The following PREP variants were observed in gnomAD, a reference collection of about 807,000 sequenced individuals.
PREP encodes the protein prolyl endopeptidase, also known as dJ355L5.1 (prolyl endopeptidase).
A neutral mutation model predicts 87.6 loss-of-function variants in PREP; 29 were observed. The observed-to-expected ratio is 0.33, with a 90% CI of 0.25 to 0.45. PREP has a LOEUF of 0.45. PREP is among the 20% of genes least tolerant of loss of function. PREP has a pLI of 1.00. For synonymous variants in PREP, 337 were observed against 328.6 expected, an observed-to-expected ratio of 1.03 and a Z score of -0.28; for missense variants, 695 against 886.5, an observed-to-expected ratio of 0.78 and a Z score of 2.74.
chr6:105,302,839 C>A (rs1181209851), intron 10 of PREP: 1 of 361,022 alleles, frequency 2.8e-6, no homozygotes, highest in Admixed American at 3.7e-5. Flanking sequence ...CACAGGCCGC[C>A]CCCGCCGCCT....
intron 7 of PREP, among the ~76,000 whole-genome samples, chr6:105,334,054 C>CA (rs1771415607): frequency 2.0e-5 from 3 of 152,200 alleles, no homozygotes; most frequent in African/African-American, 7.2e-5. Flanking sequence ...AAAAGGTCTA[C>CA]AGTGCCAAGT....
At chr6:105,300,798 T>A (rs1330409211) in intron 10 of PREP, among the ~76,000 whole-genome samples, 1 of 151,898 alleles carries the variant, frequency 6.6e-6, no homozygotes, top group Non-Finnish European at 1.5e-5. Context: ...TAAACACACA[T>A]CTAGCTGCCT....
intron 10 of PREP, among the ~76,000 whole-genome samples, chr6:105,291,044 C>T (rs1013236812): frequency 1.3e-5 from 2 of 152,176 alleles, no homozygotes; most frequent in Middle Eastern, 3.2e-3. Context: ...GTTATGATTA[C>T]ACTAGACTGT....
chr6:105,333,060 A>C (rs1219357920), intron 8 of PREP, among the ~76,000 whole-genome samples: 2 of 152,252 alleles, frequency 1.3e-5, no homozygotes, highest in Non-Finnish European at 2.9e-5. Context: ...TTTAAAAAGC[A>C]GTACTTTGGA....
rs764533268 is a variant in PREP, at chr6:105,373,542, T to C, written c.422A>G (p.Tyr141Cys). Residue 141 changes from tyrosine (Y) to cysteine (C), a missense_variant, in exon 5 of 15, where the codon TAT (tyrosine) becomes TGT (cysteine). Transcript: ENST00000652536. ...GTCTGAGCCACTGGCACTCAGACCA[T>C]AGGCAAAATATTCACCATCTTCGCT... is the stretch of plus-strand genomic sequence containing the variant. ...AFSEDGEYFA[Y>C]GLSASGSDWV... is the part of the protein sequence containing the mutation. 12 of 1,614,078 alleles carry C rather than the reference T, an allele frequency of 7.4e-6. No individual in the cohort carries two copies. Among genetic ancestry groups the C allele is most frequent in the Middle Eastern group, 1.6e-4 (1 of 6,084 alleles).
At chr6:105,362,116 AC>A (rs1415066760) in intron 6 of PREP, among the ~76,000 whole-genome samples, 1 of 152,238 alleles carries the variant, frequency 6.6e-6, no homozygotes, top group Non-Finnish European at 1.5e-5. Flanking sequence ...TATAGGCACT[AC>A]TGTTTCTAAG....
At position 105,373,439 on chromosome 6, in the gene PREP, A is replaced by G; in HGVS notation, c.525T>C (p.Cys175=). 1 of 1,614,228 alleles carries G rather than the reference A, an allele frequency of 6.2e-7. No homozygotes were observed. ...PDVLERVKFS[C]MAWTHDGKGM... ...CCTTCCCATCATGGGTCCAGGCCAT[A>G]CAGCTGAACTTGACTCTTTCAAGCA... The change falls in exon 5 of 15, where the codon TGT becomes TGC. Residue 175 remains cysteine (C), a synonymous_variant. Transcript: ENST00000652536.
chr6:105,317,249 T>C (rs1235317353), intron 10 of PREP, among the ~76,000 whole-genome samples: 1 of 152,128 alleles, frequency 6.6e-6, no homozygotes, highest in Non-Finnish European at 1.5e-5. Flanking sequence ...TAAGGCACTG[T>C]GCCTGGCTAA....
At chr6:105,308,762 T>C (rs60847040) in intron 10 of PREP, among the ~76,000 whole-genome samples, 21,267 of 152,116 alleles carry the variant, frequency 0.14, 2,638 homozygotes, top group African/African-American at 0.34. Context: ...CTTAAACATA[T>C]CTACTCTGTG....
intron 2 of PREP, among the ~76,000 whole-genome samples, chr6:105,384,641 T>C (rs553343888): frequency 1.3e-5 from 2 of 152,274 alleles, no homozygotes; most frequent in Non-Finnish European, 2.9e-5. Flanking sequence ...CCACAGGCAA[T>C]AGTCAACAAA....
Position 105,352,527 on chromosome 6 carries a change from T to C in PREP, c.823+445A>G, listed in dbSNP as rs1771986835. Among the ~76,000 whole-genome samples, 4 of 152,198 alleles carry C rather than the reference T, an allele frequency of 2.6e-5. No individual in the cohort carries two copies. In the South Asian group the frequency reaches 8.3e-4, roughly 31 times the overall value. ...GTTTGCAACATTACGCCTTTTTTGTTTATTTTAAAGACAGGGTCTGGCTAT... is the reference window on the plus strand; with the variant it reads ...GTTTGCAACATTACGCCTTTTTTGTCTATTTTAAAGACAGGGTCTGGCTAT... On this transcript the variant is annotated intron_variant, in intron 7 of 14. Transcript: ENST00000652536.
intron 2 of PREP, 46 bp downstream of exon 2, chr6:105,397,807 T>A (rs781551964): frequency 7.1e-7 from 1 of 1,400,536 alleles, no homozygotes; most frequent in Non-Finnish European, 1.0e-6. Flanking sequence ...TAGAGTTTGG[T>A]GCTAGCTACT....
intron 4 of PREP, 35 bp downstream of exon 4, chr6:105,376,090 T>C (rs765070716): frequency 6.2e-7 from 1 of 1,600,664 alleles, no homozygotes; most frequent in South Asian, 1.1e-5. Flanking sequence ...GTGAGGGTCT[T>C]AGGAGTTCCA....
At chr6:105,392,464 T>C (rs1030723052) in intron 2 of PREP, among the ~76,000 whole-genome samples, 1 of 152,218 alleles carries the variant, frequency 6.6e-6, no homozygotes, top group African/African-American at 2.4e-5. Flanking sequence ...AACAGCATAT[T>C]ATACTTAGTA....
At chr6:105,369,426 T>C (rs2114703993) in intron 5 of PREP, among the ~76,000 whole-genome samples, 1 of 152,340 alleles carries the variant, frequency 6.6e-6, no homozygotes, top group Admixed American at 6.5e-5. Flanking sequence ...CCAAACAAAA[T>C]CCCAGAAACA....
At position 105,334,729 on chromosome 6, in the gene PREP, C is replaced by T. The variant is rs1270606044; in HGVS notation, c.824-1224G>A. On this transcript the variant is annotated intron_variant, in intron 7 of 14. Coordinates refer to ENST00000652536, the MANE Select transcript of PREP (RefSeq NM_002726.5). ...GACTCTGTCTCAACAACAACAACAA[C>T]AACAACAACAGAGATGCGGTCTCTC... Among the ~76,000 whole-genome samples, 6 of 152,036 alleles carry T rather than the reference C, an allele frequency of 3.9e-5. No homozygotes were observed. In the East Asian group the frequency reaches 1.2e-3, roughly 29 times the overall value.
intron 9 of PREP, among the ~76,000 whole-genome samples, chr6:105,325,174 A>C (rs1771117819): frequency 6.6e-6 from 1 of 152,172 alleles, no homozygotes; most frequent in South Asian, 2.1e-4. Flanking sequence ...TGCCCCCCAC[A>C]AACACAAAAA....
At chr6:105,383,664 T>G (rs1211146694) in intron 2 of PREP, among the ~76,000 whole-genome samples, 1 of 152,120 alleles carries the variant, frequency 6.6e-6, no homozygotes, top group Admixed American at 6.5e-5. Context: ...TCTTTCCACC[T>G]CTCTGCTTGT....
chr6:105,357,508 C>T (rs969247610), intron 6 of PREP, among the ~76,000 whole-genome samples: 4 of 152,208 alleles, frequency 2.6e-5, no homozygotes, highest in Admixed American at 1.3e-4. Context: ...TTATAATTCT[C>T]TTCATCACAA....
Sources: gnomAD v4.1 joint callset for allele counts (sites outside exome capture counted in the v4.1 genomes callset) on GRCh38, gnomAD v4.1.1 for gene constraint, MANE v1.5 for transcripts, NCBI Gene and HGNC (gene_info 2026-07-23, HGNC 2026-07-21) for gene names.